The following CEP63 variants were observed in gnomAD, a reference collection of about 807,000 sequenced individuals.
CEP63 encodes the protein centrosomal protein 63, also known as centrosomal protein of 63 kDa.
Under a neutral mutation model 89.1 loss-of-function variants are expected in CEP63, and 84 were observed. That is an observed-to-expected ratio of 0.94 (90% CI 0.79 to 1.13). The LOEUF is 1.13. Ranked by LOEUF, CEP63 falls within the 50% of genes most tolerant of loss-of-function variation. CEP63 has a pLI of 0.00. For synonymous variants in CEP63, 267 were observed against 272.5 expected, an observed-to-expected ratio of 0.98 and a Z score of 0.20; for missense variants, 838 against 813.3, an observed-to-expected ratio of 1.03 and a Z score of -0.37.
the CEP63 span, among the ~76,000 whole-genome samples, chr3:134,701,485 T>C: frequency 4.7e-5 from 7 of 148,564 alleles, no homozygotes; most frequent in Admixed American, 3.4e-4. Context: ...CACATATATA[T>C]ATACATACAC....
At chr3:134,534,514 T>C (rs1950419770) in intron 5 of CEP63, among the ~76,000 whole-genome samples, 1 of 152,198 alleles carries the variant, frequency 6.6e-6, no homozygotes. Context: ...CATTATCTAC[T>C]TGGTGTTCTC....
At chr3:134,771,670 A>G in the CEP63 span, among the ~76,000 whole-genome samples, 1 of 152,224 alleles carries the variant, frequency 6.6e-6, no homozygotes, top group Non-Finnish European at 1.5e-5. Flanking sequence ...GGATAGCATT[A>G]GGAGAAATTC....
At chr3:134,661,009 G>A in the CEP63 span, among the ~76,000 whole-genome samples, 60 of 152,246 alleles carry the variant, frequency 3.9e-4, no homozygotes, top group African/African-American at 1.2e-3. Context: ...GGTAGCACAC[G>A]GGACTGGCTG....
chr3:134,739,165 G>A, the CEP63 span, among the ~76,000 whole-genome samples: 13 of 152,116 alleles, frequency 8.5e-5, no homozygotes, highest in African/African-American at 2.7e-4. Context: ...TTTAAAACAG[G>A]TGTTCACACA....
the CEP63 span, among the ~76,000 whole-genome samples, chr3:134,725,865 C>T: frequency 7.9e-5 from 12 of 152,232 alleles, no homozygotes; most frequent in South Asian, 2.3e-3. Flanking sequence ...CAGGCCCTGG[C>T]AGGTCAGGGG....
At chr3:134,664,228 G>A in the CEP63 span, among the ~76,000 whole-genome samples, 3 of 152,324 alleles carry the variant, frequency 2.0e-5, no homozygotes, top group Non-Finnish European at 2.9e-5. Context: ...AGGAACCAGG[G>A]AGTTGAAGTC....
intron 3 of CEP63, among the ~76,000 whole-genome samples, chr3:134,526,883 C>T (rs1948752479): frequency 6.6e-6 from 1 of 151,328 alleles, no homozygotes; most frequent in South Asian, 2.1e-4. Flanking sequence ...GGCCATTGCT[C>T]AGCCCCCAAC....
chr3:134,607,852 G>A, the CEP63 span: 1 of 987,864 alleles, frequency 1.0e-6, no homozygotes, highest in African/African-American at 1.7e-5. Flanking sequence ...GCCTCCAGAA[G>A]GGAGGGGTAC....
chr3:134,622,293 C>A, the CEP63 span, among the ~76,000 whole-genome samples: 1 of 151,992 alleles, frequency 6.6e-6, no homozygotes, highest in Non-Finnish European at 1.5e-5. Flanking sequence ...TCCACAATAG[C>A]CAAAAGGTTA....
chr3:134,489,581 T>C (rs1456550443), intron 1 of CEP63, among the ~76,000 whole-genome samples: 1 of 152,224 alleles, frequency 6.6e-6, no homozygotes, highest in Non-Finnish European at 1.5e-5. Context: ...TGTGGGGTTA[T>C]ATTGCCTGTA....
At chr3:134,600,410 C>G in the CEP63 span, among the ~76,000 whole-genome samples, 2 of 152,174 alleles carry the variant, frequency 1.3e-5, no homozygotes, top group Admixed American at 1.3e-4. Context: ...TTCAGTTAGT[C>G]TATTTATTTA....
intron 3 of CEP63, among the ~76,000 whole-genome samples, chr3:134,524,026 G>C (rs1174994437): frequency 6.6e-6 from 1 of 152,132 alleles, no homozygotes; most frequent in Non-Finnish European, 1.5e-5. Flanking sequence ...CATGAGCATG[G>C]AATGTTTTTC....
At chr3:134,777,185 T>C in the CEP63 span, among the ~76,000 whole-genome samples, 4 of 152,378 alleles carry the variant, frequency 2.6e-5, no homozygotes, top group East Asian at 1.9e-4. Context: ...AAAGCACTTC[T>C]GGATTTTACC....
the CEP63 span, among the ~76,000 whole-genome samples, chr3:134,640,444 A>G: frequency 6.6e-6 from 1 of 152,124 alleles, no homozygotes; most frequent in Non-Finnish European, 1.5e-5. Flanking sequence ...GTGGTTGTGG[A>G]GATTAAATGA....
At chr3:134,666,417 A>G in the CEP63 span, among the ~76,000 whole-genome samples, 2 of 152,208 alleles carry the variant, frequency 1.3e-5, no homozygotes, top group Non-Finnish European at 2.9e-5. Context: ...GATTGTACCA[A>G]TCACAATGAG....
intron 3 of CEP63, among the ~76,000 whole-genome samples, chr3:134,528,594 G>GTGT (rs59362235): frequency 6.9e-6 from 1 of 145,704 alleles, no homozygotes; most frequent in Non-Finnish European, 1.5e-5. Flanking sequence ...GTGTGTGTGT[G>GTGT]GTGTTTTGAG....
the CEP63 span, among the ~76,000 whole-genome samples, chr3:134,776,214 C>T: frequency 6.6e-6 from 1 of 152,238 alleles, no homozygotes; most frequent in African/African-American, 2.4e-5. Context: ...CTGTGTCCAG[C>T]AGTTCCAGTC....
At chr3:134,661,159 G>A in the CEP63 span, among the ~76,000 whole-genome samples, 1 of 152,290 alleles carries the variant, frequency 6.6e-6, no homozygotes, top group Non-Finnish European at 1.5e-5. Context: ...AGCCAGCCAT[G>A]GCATATGTGC....
the CEP63 span, among the ~76,000 whole-genome samples, chr3:134,658,871 C>T: frequency 1.3e-5 from 2 of 152,208 alleles, no homozygotes; most frequent in East Asian, 3.9e-4. Flanking sequence ...ACGATTCATG[C>T]TGTTAAGAGC....
Sources: gnomAD v4.1 joint callset for allele counts (sites outside exome capture counted in the v4.1 genomes callset) on GRCh38, gnomAD v4.1.1 for gene constraint, MANE v1.5 for transcripts, NCBI Gene and HGNC (gene_info 2026-07-23, HGNC 2026-07-21) for gene names.